FHIT: variants seen among roughly 807,000 people sequenced by gnomAD.
FHIT encodes bis(5'-adenosyl)-triphosphatase.
FHIT carries 19 observed loss-of-function variants against 17.9 expected under a neutral mutation model. The observed-to-expected ratio is 1.06, with a 90% confidence interval of 0.74 to 1.56. FHIT has a LOEUF of 1.56. Among genes scored for constraint, FHIT ranks in the 40% most tolerant of loss-of-function variants. The pLI, the probability that FHIT is intolerant of heterozygous loss-of-function variation, is 0.00. For synonymous variants in FHIT, 81 were observed against 69.7 expected, an observed-to-expected ratio of 1.16 and a Z score of -0.81; for missense variants, 248 against 189.2, an observed-to-expected ratio of 1.31 and a Z score of -1.82.
chr3:59,752,303 CCTT>C lies in FHIT; in HGVS notation c.364_366del (p.Lys122del). ...GATCTCCAAGAGGCAGGAAAGTCCT[CCTT>C]GTCATGTTTCTGGAGCTTTGGAGAA... On this transcript the variant is annotated inframe_deletion, in exon 9 of 10. Coordinates refer to ENST00000492590, the MANE Select transcript of FHIT (RefSeq NM_002012.4). 6.2e-7 allele frequency: 1 copy of C among 1,612,398 alleles called. No homozygotes were observed. The highest frequency in any genetic ancestry group is 8.5e-7 in the Non-Finnish European group (1 of 1,179,402).
rs571499585 is a variant in FHIT at position 61,213,672 on chromosome 3, G to A, written c.-212-13007C>T. Among the ~76,000 whole-genome samples the A allele has an allele frequency of 5.3e-5, 8 of 152,326 alleles. No homozygotes were observed. The East Asian group carries it at 1.5e-3, about 29-fold the overall frequency. ...CAAGCAGACCTAATAGACATCTACA[G>A]AACTCTGCATCCCAAAACAACAGAA... is the stretch of plus-strand genomic sequence containing the variant. On this transcript the variant is annotated intron_variant, in intron 1 of 9. Transcript: ENST00000492590.
intron 2 of FHIT, among the ~76,000 whole-genome samples, chr3:61,180,939 T>G (rs966041321): frequency 8.5e-5 from 13 of 152,222 alleles, no homozygotes; most frequent in African/African-American, 1.2e-4. Context: ...AAATTATCAA[T>G]TTAATATTTT....
At chr3:60,229,101 C>T (rs988664635) in intron 5 of FHIT, among the ~76,000 whole-genome samples, 1 of 152,128 alleles carries the variant, frequency 6.6e-6, no homozygotes, top group Non-Finnish European at 1.5e-5. Flanking sequence ...GTTGCAGAAA[C>T]TCAGGGACAG....
At chr3:61,143,869 C>CAAACAAAAA (rs1469004081) in intron 2 of FHIT, among the ~76,000 whole-genome samples, 8 of 152,004 alleles carry the variant, frequency 5.3e-5, no homozygotes, top group African/African-American at 1.4e-4. Context: ...CTGTCTAAAA[C>CAAACAAAAA]AAACAAACAA....
intron 4 of FHIT, among the ~76,000 whole-genome samples, chr3:60,685,349 C>T (rs1411038454): frequency 1.3e-5 from 2 of 152,144 alleles, no homozygotes; most frequent in Non-Finnish European, 2.9e-5. Context: ...GAAAATTTGG[C>T]CTCCCCTACA....
intron 7 of FHIT, among the ~76,000 whole-genome samples, chr3:59,946,843 T>C (rs1706831162): frequency 6.6e-6 from 1 of 152,248 alleles, no homozygotes; most frequent in African/African-American, 2.4e-5. Flanking sequence ...GAGTCAACCT[T>C]GCATGCCAGG....
intron 5 of FHIT, among the ~76,000 whole-genome samples, chr3:60,175,497 A>G (rs1023474815): frequency 6.6e-6 from 1 of 152,214 alleles, no homozygotes; most frequent in African/African-American, 2.4e-5. Flanking sequence ...AGGAGGGAAG[A>G]AAAGTTAAGC....
At chr3:60,097,405 A>T (rs955212626) in intron 5 of FHIT, among the ~76,000 whole-genome samples, 2 of 152,158 alleles carry the variant, frequency 1.3e-5, no homozygotes, top group Non-Finnish European at 2.9e-5. Flanking sequence ...TACTGTGTTC[A>T]TTTGGGAGCT....
chr3:61,122,661 A>C (rs976320468), intron 2 of FHIT, among the ~76,000 whole-genome samples: 1 of 152,164 alleles, frequency 6.6e-6, no homozygotes, highest in Non-Finnish European at 1.5e-5. Flanking sequence ...ATTTACAAGA[A>C]GAAAACAACC....
intron 5 of FHIT, among the ~76,000 whole-genome samples, chr3:60,227,312 C>T (rs1007919916): frequency 2.6e-5 from 4 of 152,144 alleles, no homozygotes; most frequent in Admixed American, 2.6e-4. Flanking sequence ...CATTTCAGAA[C>T]TCTAATACCT....
chr3:61,089,629 TTGAGCCTATTTACAGAAGAC>T (rs1403958319), intron 2 of FHIT, among the ~76,000 whole-genome samples: 1 of 152,122 alleles, frequency 6.6e-6, no homozygotes. Context: ...GTTAAAGGGA[TTGAGCCTATTTACAGAAGAC>T]TTGAACTCTG....
intron 4 of FHIT, among the ~76,000 whole-genome samples, chr3:60,574,112 T>C (rs1292296060): frequency 2.6e-5 from 4 of 152,098 alleles, no homozygotes; most frequent in Non-Finnish European, 5.9e-5. Flanking sequence ...GTCTGGTTAG[T>C]ATTATGTACT....
At chr3:60,442,792 T>A (rs1275405039) in intron 5 of FHIT, among the ~76,000 whole-genome samples, 1 of 152,200 alleles carries the variant, frequency 6.6e-6, no homozygotes, top group Non-Finnish European at 1.5e-5. Context: ...TAAAGTAATT[T>A]TTTCCAATTC....
chr3:59,977,926 A>T (rs1364421457), intron 7 of FHIT, among the ~76,000 whole-genome samples: 5 of 152,194 alleles, frequency 3.3e-5, no homozygotes, highest in African/African-American at 1.2e-4. Flanking sequence ...TTGTTTTAGT[A>T]TCACTCTTTC....
At chr3:61,107,539 A>G (rs967283006) in intron 2 of FHIT, among the ~76,000 whole-genome samples, 2 of 152,200 alleles carry the variant, frequency 1.3e-5, no homozygotes, top group Non-Finnish European at 2.9e-5. Flanking sequence ...GAGGAAGTTC[A>G]TACTGTTTTC....
chr3:59,915,160 T>A (rs1441140434), intron 8 of FHIT, among the ~76,000 whole-genome samples: 2 of 152,130 alleles, frequency 1.3e-5, no homozygotes, highest in African/African-American at 2.4e-5. Flanking sequence ...ATTTTCCTCC[T>A]TCACCGGCAA....
At chr3:59,897,034 G>A (rs72624870) in intron 8 of FHIT, among the ~76,000 whole-genome samples, 5,872 of 152,136 alleles carry the variant, frequency 0.039, 343 homozygotes, top group East Asian at 0.31. Context: ...GTTCCTCTTG[G>A]TCTGCCTCCC....
chr3:60,774,084 T>A lies in FHIT; in HGVS notation c.-18+47835A>T, dbSNP rs558789852. Among the ~76,000 whole-genome samples, 12 of 152,304 alleles carry A rather than the reference T, an allele frequency of 7.9e-5. No homozygotes were observed. In the South Asian group the frequency reaches 2.1e-3, roughly 26 times the overall value. On this transcript the variant is annotated intron_variant, in intron 4 of 9. Transcript: ENST00000492590. Reference sequence around the variant, plus strand: ...AATTATCTTCATGATGACATCATAATGGATAGAACAAAGTAAATTTTATAA... The same window carrying A: ...AATTATCTTCATGATGACATCATAAAGGATAGAACAAAGTAAATTTTATAA...
intron 2 of FHIT, among the ~76,000 whole-genome samples, chr3:61,061,430 C>G (rs2034425465): frequency 6.6e-6 from 1 of 151,812 alleles, no homozygotes; most frequent in Non-Finnish European, 1.5e-5. Context: ...AAAAGAATAT[C>G]TTCACCTTTC....
Sources: allele counts gnomAD v4.1 joint callset (sites outside exome capture counted in the v4.1 genomes callset), GRCh38; gene constraint gnomAD v4.1.1; transcripts MANE v1.5; gene names NCBI Gene and HGNC (gene_info 2026-07-23, HGNC 2026-07-21).